Variants in NEDD9 observed in about 807,000 individuals in gnomAD.
The protein encoded by NEDD9 is neural precursor cell expressed, developmentally down-regulated 9.
Under a neutral mutation model 76.6 loss-of-function variants are expected in NEDD9, and 26 were observed. The observed-to-expected ratio is 0.34, with a 90% CI of 0.25 to 0.47. The LOEUF (loss-of-function observed/expected upper bound fraction) is 0.47, where lower values mean the gene tolerates loss of function less well. Among genes scored for constraint, NEDD9 ranks in the 20% least tolerant of loss-of-function variants. NEDD9 has a pLI of 1.00. For missense variants in NEDD9, 937 were observed against 1,058.5 expected (o/e 0.89, Z 1.59); for synonymous variants, 392 against 414.2 (o/e 0.95, Z 0.65).
chr6:11,232,373 G>C (rs551722740), intron 1 of NEDD9, 131 bp downstream of exon 1: 2 of 1,141,764 alleles, frequency 1.8e-6, no homozygotes, highest in Non-Finnish European at 2.6e-6. Flanking sequence ...GTCAACCTCA[G>C]TGACCGAGAC....
intron 3 of NEDD9, among the ~76,000 whole-genome samples, chr6:11,253,190 C>T (rs1357785181): frequency 6.6e-6 from 1 of 152,180 alleles, no homozygotes; most frequent in African/African-American, 2.4e-5. Flanking sequence ...TTGGCACTTT[C>T]ATGAATGTGC....
At chr6:11,208,740 A>T (rs1758685736) in intron 2 of NEDD9, among the ~76,000 whole-genome samples, 2 of 152,258 alleles carry the variant, frequency 1.3e-5, no homozygotes, top group Non-Finnish European at 2.9e-5. Flanking sequence ...ACACATCCAA[A>T]GAAAAATCAG....
chr6:11,278,974 C>G (rs1409828478), intron 3 of NEDD9, among the ~76,000 whole-genome samples: 1 of 151,686 alleles, frequency 6.6e-6, no homozygotes. Flanking sequence ...CATTTAATGT[C>G]TGGGCAAACT....
intron 1 of NEDD9, among the ~76,000 whole-genome samples, chr6:11,339,119 T>C (rs2113518437): frequency 6.6e-6 from 1 of 152,280 alleles, no homozygotes; most frequent in Admixed American, 6.5e-5. Context: ...CCCAGAGGCA[T>C]CCTTTGTGTG....
At chr6:11,354,645 C>G (rs1307403678) in intron 1 of NEDD9, among the ~76,000 whole-genome samples, 3 of 152,188 alleles carry the variant, frequency 2.0e-5, no homozygotes, top group African/African-American at 7.2e-5. Flanking sequence ...ATCTGTTCCT[C>G]CTCTGCTTCT....
chr6:11,293,879 T>A (rs1049839747), intron 3 of NEDD9, among the ~76,000 whole-genome samples: 3 of 152,146 alleles, frequency 2.0e-5, no homozygotes, highest in African/African-American at 7.2e-5. Context: ...TAAAGTGAGA[T>A]CATGTAGTAT....
intron 1 of NEDD9, among the ~76,000 whole-genome samples, chr6:11,379,963 A>G (rs899628996): frequency 2.0e-5 from 3 of 152,266 alleles, no homozygotes; most frequent in Admixed American, 6.5e-5. Flanking sequence ...ACAGATAAGC[A>G]GGACAAAGTG....
chr6:11,296,448 G>A (rs936716751), intron 3 of NEDD9, among the ~76,000 whole-genome samples: 7 of 152,174 alleles, frequency 4.6e-5, no homozygotes, highest in African/African-American at 1.7e-4. Context: ...GGATAATCAT[G>A]TTTTTAGAGA....
chr6:11,185,212 T>C lies in NEDD9; in HGVS notation c.2455A>G (p.Arg819Gly). The C allele has an allele frequency of 1.9e-6, 3 of 1,614,152 alleles. No individual in the cohort carries two copies. The highest frequency in any genetic ancestry group is 2.5e-6 in the Non-Finnish European group (3 of 1,180,018). ...EMVHQVTDLSRNAQLFKRSLL... is the reference protein window; with the variant it reads ...EMVHQVTDLSGNAQLFKRSLL... ...GAGCGCTTGAACAGCTGGGCATTTCTAGAAAGGTCTGTCACTTGGTGCACC... is the reference window on the plus strand; with the variant it reads ...GAGCGCTTGAACAGCTGGGCATTTCCAGAAAGGTCTGTCACTTGGTGCACC... The change falls in exon 7 of 7, where the codon AGA (arginine) becomes GGA (glycine). Residue 819 changes from arginine to glycine, a missense_variant. By Grantham distance (125) the Arg-to-Gly change is moderately radical. Transcript: ENST00000379446.
chr6:11,378,398 A>T (rs1763003813), intron 1 of NEDD9, among the ~76,000 whole-genome samples: 1 of 152,122 alleles, frequency 6.6e-6, no homozygotes. Context: ...TGCTTCCTAT[A>T]CAGCCTGCAG....
chr6:11,280,538 C>T (rs1760514107), intron 3 of NEDD9, among the ~76,000 whole-genome samples: 1 of 152,242 alleles, frequency 6.6e-6, no homozygotes, highest in South Asian at 2.1e-4. Flanking sequence ...CCACCCTCTT[C>T]TCCCCTGCTC....
intron 3 of NEDD9, among the ~76,000 whole-genome samples, chr6:11,239,274 GTTTC>G (rs1447064378): frequency 6.6e-6 from 1 of 152,190 alleles, no homozygotes; most frequent in Non-Finnish European, 1.5e-5. Flanking sequence ...TTTTGTGAGA[GTTTC>G]TTTTCCGCAA....
At chr6:11,309,298 C>A (rs1265978106) in intron 2 of NEDD9, among the ~76,000 whole-genome samples, 1 of 152,214 alleles carries the variant, frequency 6.6e-6, no homozygotes, top group African/African-American at 2.4e-5. Context: ...ATTTTTCCAT[C>A]CTATTAATAA....
chr6:11,364,224 T>A (rs1582051075), intron 1 of NEDD9, among the ~76,000 whole-genome samples: 1 of 152,212 alleles, frequency 6.6e-6, no homozygotes, highest in Non-Finnish European at 1.5e-5. Flanking sequence ...GTAGACAACA[T>A]TTCATACCTG....
chr6:11,319,743 CACACACTAACAT>C (rs781153182), intron 2 of NEDD9, among the ~76,000 whole-genome samples: 11,590 of 130,592 alleles, frequency 0.089, 584 homozygotes, highest in Admixed American at 0.17. Context: ...AACATGCACA[CACACACTAACAT>C]GCACACTAAC....
intron 1 of NEDD9, among the ~76,000 whole-genome samples, chr6:11,357,497 T>C (rs1302292275): frequency 6.6e-6 from 1 of 152,170 alleles, no homozygotes; most frequent in Non-Finnish European, 1.5e-5. Context: ...CCACTGACCA[T>C]TATTAACCTC....
chr6:11,214,064 TCAAAGTGAGC>T, intron 1 of NEDD9: 1 of 416,356 alleles, frequency 2.4e-6, no homozygotes, highest in Admixed American at 3.3e-5. Flanking sequence ...TCTTCCTTTT[TCAAAGTGAGC>T]TTAAGGAAAA....
intron 3 of NEDD9, among the ~76,000 whole-genome samples, chr6:11,279,864 C>G (rs899567877): frequency 2.6e-5 from 4 of 152,166 alleles, no homozygotes; most frequent in African/African-American, 9.7e-5. Flanking sequence ...CACTGTTTTG[C>G]GTTATCTTAC....
chr6:11,210,244 G>A (rs1342588452), intron 2 of NEDD9, among the ~76,000 whole-genome samples: 1 of 152,094 alleles, frequency 6.6e-6, no homozygotes, highest in Admixed American at 6.6e-5. Context: ...TTTCTCTGAG[G>A]GAAAGACCTG....
Sources: gnomAD v4.1 joint callset for allele counts (sites outside exome capture counted in the v4.1 genomes callset) on GRCh38, gnomAD v4.1.1 for gene constraint, MANE v1.5 for transcripts, NCBI Gene and HGNC (gene_info 2026-07-23, HGNC 2026-07-21) for gene names.